Variants in SLC4A10 observed in about 807,000 individuals in gnomAD.
The protein encoded by SLC4A10 is sodium-driven chloride bicarbonate exchanger.
In SLC4A10, 42 loss-of-function variants were observed where a neutral mutation model predicts 137.7. That is an observed-to-expected ratio of 0.30 (90% CI 0.24 to 0.39). The LOEUF (loss-of-function observed/expected upper bound fraction) is 0.39, where lower values mean the gene tolerates loss of function less well. SLC4A10 is among the 10% of genes least tolerant of loss of function. SLC4A10 has a pLI of 1.00. For synonymous variants in SLC4A10, 474 were observed against 464.1 expected (o/e 1.02, Z -0.27); for missense variants, 925 against 1,355.0 (o/e 0.68, Z 4.98).
chr2:161,686,745 ATTGT>A (rs893577705), intron 1 of SLC4A10, among the ~76,000 whole-genome samples: 2 of 152,150 alleles, frequency 1.3e-5, no homozygotes, highest in Non-Finnish European at 2.9e-5. Context: ...TATTTTTTTA[ATTGT>A]TTATTTATTT....
At chr2:161,644,527 A>G (rs1416071149) in intron 1 of SLC4A10, among the ~76,000 whole-genome samples, 2 of 152,064 alleles carry the variant, frequency 1.3e-5, no homozygotes, top group African/African-American at 4.8e-5. Flanking sequence ...ATTGCTTCAC[A>G]TCGTGGTGAA....
intron 15 of SLC4A10, among the ~76,000 whole-genome samples, chr2:161,926,847 G>T (rs1261330401): frequency 6.7e-6 from 1 of 148,308 alleles, no homozygotes; most frequent in East Asian, 2.0e-4. Context: ...TGAAATTCTG[G>T]GTTGAAAATT....
chr2:161,943,105 C>A (rs904583679), intron 16 of SLC4A10, among the ~76,000 whole-genome samples: 4 of 152,048 alleles, frequency 2.6e-5, no homozygotes, highest in African/African-American at 4.8e-5. Context: ...ACCAGAATTG[C>A]TCAAATAGCT....
At chr2:161,839,701 G>T in intron 3 of SLC4A10, 88 bp from the exon 4 acceptor site, 1 of 1,458,548 alleles carries the variant, frequency 6.9e-7, no homozygotes, top group Non-Finnish European at 9.4e-7. Flanking sequence ...GCGAGCTTGG[G>T]GTGGTGCTGA....
intron 1 of SLC4A10, among the ~76,000 whole-genome samples, chr2:161,672,364 TTAA>T (rs1274440438): frequency 2.6e-5 from 4 of 152,122 alleles, no homozygotes; most frequent in African/African-American, 9.7e-5. Context: ...CAAAAAAATT[TTAA>T]TAAGGAATGA....
chr2:161,804,668 G>A (rs1266191785), intron 3 of SLC4A10, 73 bp downstream of exon 3: 89 of 1,401,854 alleles, frequency 6.3e-5, no homozygotes, highest in Non-Finnish European at 8.3e-5. Context: ...ATGATTAGGA[G>A]TAATACCTTA....
At chr2:161,755,229 T>C (rs1477609442) in intron 1 of SLC4A10, among the ~76,000 whole-genome samples, 1 of 152,234 alleles carries the variant, frequency 6.6e-6, no homozygotes, top group Non-Finnish European at 1.5e-5. Context: ...GCTGTCATTA[T>C]GGGCTTCAGA....
intron 3 of SLC4A10, among the ~76,000 whole-genome samples, chr2:161,826,930 T>A (rs1295241690): frequency 1.3e-5 from 2 of 152,194 alleles, no homozygotes; most frequent in African/African-American, 4.8e-5. Flanking sequence ...CTTCTTATTC[T>A]TTTTAAATTC....
At chr2:161,977,379 C>A in intron 25 of SLC4A10, 1 of 464,250 alleles carries the variant, frequency 2.2e-6, no homozygotes, top group Non-Finnish European at 4.2e-6. Context: ...AAAGTTCTAT[C>A]CATTCTTTCT....
rs145032080 is a variant in SLC4A10, at chr2:161,924,127, C to T, written c.1997+18240C>T. Reference sequence around the variant, plus strand: ...GTTCCAGACTCATATTCTATCTCCTCACAGTGCTATTTCCATGTTTCTTTT... The same window carrying T: ...GTTCCAGACTCATATTCTATCTCCTTACAGTGCTATTTCCATGTTTCTTTT... On this transcript the variant is annotated intron_variant, in intron 15 of 26. Coordinates refer to ENST00000446997, the MANE Select transcript of SLC4A10 (RefSeq NM_001178015.2). Among the ~76,000 whole-genome samples the T allele has an allele frequency of 7.3e-3, 1,106 of 152,286 alleles. 8 individuals carry two copies. The highest frequency in any genetic ancestry group is 0.013 in the Non-Finnish European group (852 of 68,028).
intron 16 of SLC4A10, among the ~76,000 whole-genome samples, chr2:161,944,526 G>A (rs1270054206): frequency 2.0e-5 from 3 of 151,722 alleles, no homozygotes; most frequent in Non-Finnish European, 4.4e-5. Context: ...GAGTTTTGAG[G>A]TCAAGTAGAA....
At chr2:161,707,046 G>A (rs2043751722) in intron 1 of SLC4A10, among the ~76,000 whole-genome samples, 1 of 151,512 alleles carries the variant, frequency 6.6e-6, no homozygotes, top group Non-Finnish European at 1.5e-5. Context: ...AAAGAGAGAC[G>A]ATGTAGCTTA....
intron 3 of SLC4A10, among the ~76,000 whole-genome samples, chr2:161,829,085 C>T (rs1261699747): frequency 6.6e-6 from 1 of 151,672 alleles, no homozygotes; most frequent in African/African-American, 2.4e-5. Context: ...GCTGGTGTGG[C>T]CTGACTTAAT....
chr2:161,906,845 G>T (rs1231559304), intron 15 of SLC4A10, among the ~76,000 whole-genome samples: 1 of 152,028 alleles, frequency 6.6e-6, no homozygotes, highest in Non-Finnish European at 1.5e-5. Flanking sequence ...ACGAGGTCAG[G>T]AGATCGAGAC....
At chr2:161,810,023 T>C (rs888488289) in intron 3 of SLC4A10, among the ~76,000 whole-genome samples, 6 of 152,170 alleles carry the variant, frequency 3.9e-5, no homozygotes, top group Admixed American at 1.3e-4. Context: ...GGAACATTTT[T>C]ACATTTGTTT....
At chr2:161,741,666 A>AT (rs1278157571) in intron 1 of SLC4A10, among the ~76,000 whole-genome samples, 2 of 152,010 alleles carry the variant, frequency 1.3e-5, no homozygotes, top group South Asian at 2.1e-4. Flanking sequence ...TCTCCTTTAA[A>AT]TTTTTTTTAT....
chr2:161,668,079 T>A (rs1415455612), intron 1 of SLC4A10, among the ~76,000 whole-genome samples: 1 of 151,834 alleles, frequency 6.6e-6, no homozygotes, highest in Admixed American at 6.6e-5. Context: ...AAAATTGTAG[T>A]TGCAGTACTT....
chr2:161,876,313 G>T (rs1336988800), intron 8 of SLC4A10, among the ~76,000 whole-genome samples: 1 of 152,072 alleles, frequency 6.6e-6, no homozygotes, highest in Non-Finnish European at 1.5e-5. Context: ...CTCTAGAGCT[G>T]CTTTACATAT....
intron 1 of SLC4A10, among the ~76,000 whole-genome samples, chr2:161,683,799 G>T (rs2041112879): frequency 6.6e-6 from 1 of 152,002 alleles, no homozygotes; most frequent in Admixed American, 6.6e-5. Flanking sequence ...AAGTAAAACT[G>T]GTAAGATAAA....
Sources: gnomAD v4.1 joint callset for allele counts (sites outside exome capture counted in the v4.1 genomes callset) on GRCh38, gnomAD v4.1.1 for gene constraint, MANE v1.5 for transcripts, NCBI Gene and HGNC (gene_info 2026-07-23, HGNC 2026-07-21) for gene names.